Variants in EEF1D observed in about 807,000 individuals in gnomAD.
The protein encoded by EEF1D is elongation factor 1-delta.
In EEF1D, 47 loss-of-function variants were observed where a neutral mutation model predicts 63.9. That is an observed-to-expected ratio of 0.74 (90% CI 0.58 to 0.94). The LOEUF is 0.94. Among genes scored for constraint, EEF1D ranks in the 40% least tolerant of loss-of-function variants. The pLI, the probability that EEF1D is intolerant of heterozygous loss-of-function variation, is 0.00. For missense variants in EEF1D, 907 were observed against 899.0 expected (o/e 1.01, Z -0.11); for synonymous variants, 412 against 386.1 (o/e 1.07, Z -0.79).
intron 3 of EEF1D, chr8:143,587,081 C>T: frequency 2.2e-6 from 1 of 448,616 alleles, no homozygotes; most frequent in East Asian, 4.1e-5. Context: ...GGTCCCCAGG[C>T]CCTTCCCTTT....
At chr8:143,591,612 G>A (rs1011683180) in intron 2 of EEF1D, among the ~76,000 whole-genome samples, 6 of 152,242 alleles carry the variant, frequency 3.9e-5, no homozygotes, top group Non-Finnish European at 7.3e-5. Flanking sequence ...GCCCCTCACA[G>A]ACACCGCTGC....
Position 143,589,037 on chromosome 8 carries a change from G to T in EEF1D, c.1045C>A (p.Arg349=), listed in dbSNP as rs780659136. Residue 349 remains arginine, a synonymous_variant, in exon 3 of 10, where the codon CGA becomes AGA. Coordinates refer to ENST00000618139, the MANE Select transcript of EEF1D (RefSeq NM_001130053.5). ...WCLEAASLSH[R]PGPRSGLSVS... ...GACAGGCCAGACCGAGGACCGGGTCGGTGAGACAGGGAGGCAGCTTCGAGG... is the reference window on the plus strand; with the variant it reads ...GACAGGCCAGACCGAGGACCGGGTCTGTGAGACAGGGAGGCAGCTTCGAGG... The T allele has an allele frequency of 1.2e-6, 2 of 1,603,920 alleles. No homozygotes were observed. Among genetic ancestry groups the T allele is most frequent in the Non-Finnish European group, 1.7e-6 (2 of 1,179,504 alleles).
chr8:143,582,051 C>T (rs1355585288), intron 5 of EEF1D: 2 of 152,314 alleles, frequency 1.3e-5, no homozygotes, highest in African/African-American at 4.8e-5. Context: ...TCTCAGCAAA[C>T]CCCATCTCGG....
chr8:143,579,962 C>T, intron 9 of EEF1D, 50 bp downstream of exon 9: 1 of 1,588,774 alleles, frequency 6.3e-7, no homozygotes, highest in Non-Finnish European at 8.6e-7. Context: ...AGGGTATGGG[C>T]CAGGGTCCCC....
chr8:143,596,502 T>C (rs751508646), intron 1 of EEF1D: 10 of 152,318 alleles, frequency 6.6e-5, no homozygotes, highest in African/African-American at 2.4e-4. Context: ...GGGGTCCAGA[T>C]GACGGGGTGG....
intron 1 of EEF1D, chr8:143,594,314 G>A (rs1162557453): frequency 6.6e-6 from 1 of 152,292 alleles, no homozygotes; most frequent in African/African-American, 2.4e-5. Flanking sequence ...CCAGCTAACA[G>A]GGCCTGTGAC....
At chr8:143,586,675 G>A (rs375137087) in intron 4 of EEF1D, 54 bp downstream of exon 4, 139 of 1,596,302 alleles carry the variant, frequency 8.7e-5, no homozygotes, top group Non-Finnish European at 1.2e-4. Flanking sequence ...TGTGTGCCCC[G>A]GCCACTCCTG....
At chr8:143,581,403 G>A in intron 5 of EEF1D, 75 bp from the exon 6 acceptor site, 1 of 1,340,058 alleles carries the variant, frequency 7.5e-7, no homozygotes, top group Non-Finnish European at 1.0e-6. Context: ...CAGGACTGCA[G>A]GAACTCACGG....
Position 143,592,673 on chromosome 8 carries a change from G to A in EEF1D, c.-14-13C>T. 28 of 985,658 alleles carry A rather than the reference G, an allele frequency of 2.8e-5. No individual in the cohort carries two copies. Among genetic ancestry groups the A allele is most frequent in the Non-Finnish European group, 3.4e-5 (28 of 830,064 alleles). 61.1% of individuals were successfully genotyped at this position (985,658 alleles called of 1,614,324 possible). On this transcript the variant is annotated splice_polypyrimidine_tract_variant and intron_variant, in intron 1 of 9. Transcript: ENST00000618139. Reference sequence around the variant, plus strand: ...TTGCTTTGGCCTCCTAGGACAGCATGAAGGAAAAGCAGCAAGGTTAGAGGC... The same window carrying A: ...TTGCTTTGGCCTCCTAGGACAGCATAAAGGAAAAGCAGCAAGGTTAGAGGC...
intron 7 of EEF1D, 141 bp downstream of exon 7, chr8:143,580,913 G>T: frequency 8.5e-7 from 1 of 1,175,898 alleles, no homozygotes; most frequent in Non-Finnish European, 1.2e-6. Context: ...AGGGCTAACT[G>T]TAAACCTTCC....
At position 143,589,877 on chromosome 8, in the gene EEF1D, C is replaced by A. The variant is rs34547530; in HGVS notation, c.205G>T (p.Gly69Cys). The change falls in exon 3 of 10, where the codon GGC becomes TGC. Residue 69 changes from glycine (G) to cysteine (C), a missense_variant. Transcript: ENST00000618139. ...DADEAEAPDG[G>C]SRRDPRKSQD... The stretch of plus-strand genomic sequence containing the variant: ...CTCTTCCTGGGATCACGCCTGCTGC[C>A]GCCGTCAGGGGCTTCCGCCTCATCA... 4.4e-6 allele frequency: 7 copies of A among 1,599,928 alleles called. No homozygotes were observed. Among genetic ancestry groups the A allele is most frequent in the South Asian group, 1.1e-5 (1 of 90,612 alleles).
At chr8:143,583,734 A>C (rs1290154705) in intron 5 of EEF1D, 1 of 152,338 alleles carries the variant, frequency 6.6e-6, no homozygotes, top group African/African-American at 2.4e-5. Flanking sequence ...TGGCCCCCAC[A>C]AAGCCACATA....
At position 143,581,156 on chromosome 8, in the gene EEF1D, T is replaced by TG. The variant is rs747638877; in HGVS notation, c.1388-3dup. On this transcript the variant is annotated splice_polypyrimidine_tract_variant and splice_region_variant and intron_variant, in intron 6 of 9. Transcript: ENST00000618139. ...TGGCCTGCTGCAGCTCCTGTACCACTGGGGGGGCAAGGGGAGCACGGTTAG... is the reference window on the plus strand; with the variant it reads ...TGGCCTGCTGCAGCTCCTGTACCACTGGGGGGGGCAAGGGGAGCACGGTTAG... 327 of 1,612,788 alleles carry TG rather than the reference T, an allele frequency of 2.0e-4. No individual in the cohort carries two copies. The African/African-American group carries it at 2.3e-3, about 11-fold the overall frequency.
chr8:143,581,478 C>T (rs1433496303), intron 5 of EEF1D, 150 bp from the exon 6 acceptor site: 2 of 674,934 alleles, frequency 3.0e-6, no homozygotes, highest in East Asian at 5.5e-5. Flanking sequence ...AAACTTATGA[C>T]CTCAGAGGTG....
chr8:143,592,027 C>T (rs2131230859), intron 2 of EEF1D: 1 of 985,408 alleles, frequency 1.0e-6, no homozygotes, highest in Non-Finnish European at 1.2e-6. Flanking sequence ...GGCCACAGGG[C>T]CCATGAAGAC....
Position 143,581,044 on chromosome 8 carries a change from G to A in EEF1D, c.1488+10C>T, listed in dbSNP as rs199657342. 9.3e-6 allele frequency: 15 copies of A among 1,610,728 alleles called. No individual in the cohort carries two copies. Among genetic ancestry groups the A allele is most frequent in the African/African-American group, 6.7e-5 (5 of 74,900 alleles). Reference sequence around the variant, plus strand: ...TCCCCTGCAGTGTCAGGCGTGGGGAGAGCATTCACCTGGGTCTGTGGGGCC... The same window carrying A: ...TCCCCTGCAGTGTCAGGCGTGGGGAAAGCATTCACCTGGGTCTGTGGGGCC... On this transcript the variant is annotated intron_variant, in intron 7 of 9. Coordinates refer to ENST00000618139, the MANE Select transcript of EEF1D (RefSeq NM_001130053.5).
chr8:143,584,819 G>A (rs765235588), intron 5 of EEF1D, among the ~76,000 whole-genome samples: 1 of 152,152 alleles, frequency 6.6e-6, no homozygotes, highest in Non-Finnish European at 1.5e-5. Flanking sequence ...GTGACCCGCC[G>A]GGCTGGACTG....
intron 5 of EEF1D, 161 bp from the exon 6 acceptor site, chr8:143,581,489 G>A: frequency 1.6e-6 from 1 of 641,330 alleles, no homozygotes; most frequent in Admixed American, 2.9e-5. Flanking sequence ...CTCAGAGGTG[G>A]CGGCCACCAC....
chr8:143,586,994 G>A (rs61652493), intron 3 of EEF1D, 142 bp from the exon 4 acceptor site: 85,035 of 1,160,386 alleles, frequency 0.073, 3,595 homozygotes, highest in East Asian at 0.14. Flanking sequence ...AAGCCCGTAA[G>A]CCCTCACCCC....
Sources: gnomAD v4.1 joint callset for allele counts (sites outside exome capture counted in the v4.1 genomes callset) on GRCh38, gnomAD v4.1.1 for gene constraint, MANE v1.5 for transcripts, NCBI Gene and HGNC (gene_info 2026-07-23, HGNC 2026-07-21) for gene names.